Variants in OPN4 observed in about 807,000 individuals in gnomAD.
OPN4 encodes melanopsin.
OPN4 carries 43 observed loss-of-function variants against 49.5 expected under a neutral mutation model. The observed-to-expected ratio is 0.87, with a 90% CI of 0.68 to 1.12. The LOEUF (loss-of-function observed/expected upper bound fraction) is 1.12. OPN4 is among the 50% of genes most tolerant of loss of function. OPN4 has a pLI of 0.00. For synonymous variants in OPN4, 263 were observed against 258.0 expected, an observed-to-expected ratio of 1.02 and a Z score of -0.19; for missense variants, 657 against 643.9, an observed-to-expected ratio of 1.02 and a Z score of -0.22.
chr10:86,663,583 G>C, intron 8 of OPN4, 76 bp from the exon 9 acceptor site: 1 of 1,337,846 alleles, frequency 7.5e-7, no homozygotes, highest in South Asian at 1.8e-5. Flanking sequence ...ATGAAGGAGG[G>C]CCTGGTGGGG....
At position 86,658,695 on chromosome 10, in the gene OPN4, G is replaced by C. The variant is rs370642719; in HGVS notation, c.628+8G>C. 1 of 1,610,204 alleles carries C rather than the reference G, an allele frequency of 6.2e-7. No homozygotes were observed. Among genetic ancestry groups the C allele is most frequent in the Non-Finnish European group, 8.5e-7 (1 of 1,179,912 alleles). Reference sequence around the variant, plus strand: ...CACCCTTCTTCGGCTGGAGTAAGTGGGCTGCTGGAACTGGAAGGGGGGCAG... The same window carrying C: ...CACCCTTCTTCGGCTGGAGTAAGTGCGCTGCTGGAACTGGAAGGGGGGCAG... On this transcript the variant is annotated splice_region_variant and intron_variant, in intron 4 of 9. Transcript: ENST00000241891.
Position 86,658,111 on chromosome 10 carries a change from GC to G in OPN4, c.374del (p.Pro125LeufsTer34). 2.5e-6 allele frequency: 4 copies of G among 1,613,454 alleles called. No homozygotes were observed. Among genetic ancestry groups the G allele is most frequent in the Non-Finnish European group, 3.4e-6 (4 of 1,179,570 alleles). ...CGACTTCCTCATGTCCTTCACCCAG[GC>G]CCCTGTCTTCTTCACCAGTAGCCTC... Reference protein sequence around the residue: ...VSDFLMSFTQAPVFFTSSLYK... With the variant: ...VSDFLMSFTQXPVFFTSSLYK... On this transcript the variant is annotated frameshift_variant, in exon 3 of 10. Coordinates refer to ENST00000241891, the MANE Select transcript of OPN4 (RefSeq NM_033282.4). LOFTEE classifies it high-confidence loss of function.
chr10:86,654,867 G>A lies in OPN4; in HGVS notation c.84G>A (p.Trp28Ter). The A allele has an allele frequency of 6.2e-7, 1 of 1,613,988 alleles. No homozygotes were observed. Among genetic ancestry groups the A allele is most frequent in the East Asian group, 2.2e-5 (1 of 44,876 alleles). The part of the protein sequence containing the change: ...SCMATPAPPS[W>*]WDSSQSSISS... ...TGGCCACCCCAGCACCACCCAGCTG[G>A]TGGGACAGCTCCCAGAGCAGCATCT... Residue 28 changes from tryptophan to a stop codon, truncating the protein, a stop_gained, in exon 1 of 10, where the codon TGG becomes TGA. Coordinates refer to ENST00000241891, the MANE Select transcript of OPN4 (RefSeq NM_033282.4). LOFTEE classifies it high-confidence loss of function.
In OPN4 at chr10:86,660,580, C is replaced by T. The variant is rs576849263; in HGVS notation, c.965+521C>T. On this transcript the variant is annotated intron_variant, in intron 6 of 9. Transcript: ENST00000241891. ...TCTTGTGGAGGAATGGCCTGGTCCC[C>T]CCAGGGCCCTACTGTGGGGTTTCTC... 5.9e-5 allele frequency among the ~76,000 whole-genome samples: 9 copies of T among 152,294 alleles called. No homozygotes were observed. The South Asian group carries it at 1.9e-3, about 32-fold the overall frequency.
rs778563689 is a variant in OPN4 at position 86,662,309 on chromosome 10, G to T, written c.1131G>T (p.Arg377=). ...CLGVLLGVSR[R]HSRPYPSYRS... Reference sequence around the variant, plus strand: ...GGGTGCTGCTGGGTGTATCACGCCGGCACAGTCGCCCCTACCCCAGCTACC... The same window carrying T: ...GGGTGCTGCTGGGTGTATCACGCCGTCACAGTCGCCCCTACCCCAGCTACC... The change falls in exon 8 of 10, where the codon CGG becomes CGT. Residue 377 remains arginine, a synonymous_variant. Coordinates refer to ENST00000241891, the MANE Select transcript of OPN4 (RefSeq NM_033282.4). 5.0e-6 allele frequency: 8 copies of T among 1,607,136 alleles called. No homozygotes were observed. Among genetic ancestry groups the T allele is most frequent in the Non-Finnish European group, 5.1e-6 (6 of 1,178,312 alleles).
At chr10:86,657,934 G>A in intron 2 of OPN4, 98 bp from the exon 3 acceptor site, 1 of 1,270,548 alleles carries the variant, frequency 7.9e-7, no homozygotes, top group East Asian at 2.3e-5. Flanking sequence ...GTAAGTGTGT[G>A]GCACGTGTGT....
chr10:86,659,451 C>T lies in OPN4; in HGVS notation c.783C>T (p.Ala261=), dbSNP rs757963529. Residue 261 remains alanine, a synonymous_variant, in exon 5 of 10, where the codon GCC becomes GCT. Transcript: ENST00000241891. ...ACTGCTACATCTTCATCTTCAGGGC[C>T]ATCCGGGAGACAGGACGGTAAGAGC... ...IIYCYIFIFR[A]IRETGRALQT... 9 of 1,614,014 alleles carry T rather than the reference C, an allele frequency of 5.6e-6. No individual in the cohort carries two copies. The highest frequency in any genetic ancestry group is 6.8e-6 in the Non-Finnish European group (8 of 1,180,008).
At chr10:86,655,078 G>C (rs1395670188) in intron 1 of OPN4, 151 bp downstream of exon 1, 6 of 753,490 alleles carry the variant, frequency 8.0e-6, no homozygotes, top group Non-Finnish European at 1.3e-5. Flanking sequence ...CTCTGAGCCC[G>C]CCCCTGATAA....
chr10:86,658,725 G>T, intron 4 of OPN4, 38 bp downstream of exon 4: 1 of 1,598,600 alleles, frequency 6.3e-7, no homozygotes, highest in South Asian at 1.1e-5. Flanking sequence ...GGGCAGATGG[G>T]CTGGGAGGGG....
At chr10:86,658,437 C>T (rs1843921554) in intron 3 of OPN4, 47 bp from the exon 4 acceptor site, 2 of 1,593,552 alleles carry the variant, frequency 1.3e-6, no homozygotes, top group African/African-American at 2.7e-5. Context: ...TCTACCCTGT[C>T]CCCAGACCCT....
At chr10:86,662,538 C>A (rs1589591149) in intron 8 of OPN4, 106 bp downstream of exon 8, 1 of 1,124,386 alleles carries the variant, frequency 8.9e-7, no homozygotes, top group African/African-American at 1.6e-5. Flanking sequence ...CTCTGAGACT[C>A]AGGGACACTG....
Position 86,656,253 on chromosome 10 carries a change from A to C in OPN4, c.243A>C (p.Gly81=), listed in dbSNP as rs1325308165. The C allele has an allele frequency of 1.2e-6, 2 of 1,613,006 alleles. No individual in the cohort carries two copies. Among genetic ancestry groups the C allele is most frequent in the Non-Finnish European group, 1.7e-6 (2 of 1,179,496 alleles). Residue 81 remains glycine (G), a synonymous_variant, in exon 2 of 10, where the codon GGA becomes GGC. Coordinates refer to ENST00000241891, the MANE Select transcript of OPN4 (RefSeq NM_033282.4). ...TGGGCACAGTGATCTTGCTGGTGGG[A>C]CTCACGGGGATGCTGGGCAACCTGA... ...YTLGTVILLV[G]LTGMLGNLTV...
intron 8 of OPN4, 144 bp from the exon 9 acceptor site, chr10:86,663,515 G>A: frequency 2.9e-6 from 2 of 684,676 alleles, no homozygotes; most frequent in Non-Finnish European, 4.4e-6. Flanking sequence ...TTTATTTGGT[G>A]ACCGGCAACG....
At position 86,663,651 on chromosome 10, in the gene OPN4, TC is replaced by T; in HGVS notation, c.1255-5del. The stretch of plus-strand genomic sequence containing the variant: ...CTCACCTCACAGTCACTCTCTCACC[TC>T]CCTCAGGGCTGGACACACATGGAGG... On this transcript the variant is annotated splice_region_variant and splice_polypyrimidine_tract_variant and intron_variant, in intron 8 of 9. Transcript: ENST00000241891. 6.7e-7 allele frequency: 1 copy of T among 1,492,558 alleles called. No individual in the cohort carries two copies. The highest frequency in any genetic ancestry group is 8.9e-7 in the Non-Finnish European group (1 of 1,117,710). The allele number at this position is 1,492,558 out of a possible 1,614,324, so 92.5% of individuals were successfully genotyped here.
At chr10:86,659,233 C>T (rs1843941938) in intron 4 of OPN4, 64 bp from the exon 5 acceptor site, 1 of 1,350,070 alleles carries the variant, frequency 7.4e-7, no homozygotes, top group Non-Finnish European at 1.0e-6. Flanking sequence ...ATACAAAGCT[C>T]CTGCCAGATA....
chr10:86,662,108 A>G (rs1057056351), intron 7 of OPN4, 144 bp from the exon 8 acceptor site: 61 of 650,164 alleles, frequency 9.4e-5, no homozygotes, highest in African/African-American at 9.3e-4. Flanking sequence ...ATCACCTGCC[A>G]TGGTTCCCAG....
In OPN4 at chr10:86,656,188, C is replaced by A. The variant is rs1325704519; in HGVS notation, c.178C>A (p.Leu60Ile). ...PGTWAAAWVP[L>I]PTVDVPDHAH... ...GACTTGGGCTGCTGCCTGGGTCCCCCTCCCCACGGTTGATGTTCCAGACCA... is the reference window on the plus strand; with the variant it reads ...GACTTGGGCTGCTGCCTGGGTCCCCATCCCCACGGTTGATGTTCCAGACCA... The change falls in exon 2 of 10, where the codon CTC becomes ATC. Residue 60 changes from leucine to isoleucine, a missense_variant. Transcript: ENST00000241891. 12 of 1,614,070 alleles carry A rather than the reference C, an allele frequency of 7.4e-6. No individual in the cohort carries two copies. Among genetic ancestry groups the A allele is most frequent in the African/African-American group, 2.7e-5 (2 of 74,922 alleles).
At chr10:86,665,285 C>G (rs899421676) in intron 9 of OPN4, among the ~76,000 whole-genome samples, 1 of 152,052 alleles carries the variant, frequency 6.6e-6, no homozygotes, top group Admixed American at 6.6e-5. Flanking sequence ...CAGACCTGAC[C>G]TGGGGACAGG....
Position 86,663,769 on chromosome 10 carries a change from A to G in OPN4, c.1365A>G (p.Arg455=), listed in dbSNP as rs749673215. 1.9e-6 allele frequency: 3 copies of G among 1,557,340 alleles called. No homozygotes were observed. Among genetic ancestry groups the G allele is most frequent in the Non-Finnish European group, 2.6e-6 (3 of 1,151,106 alleles). Residue 455 remains arginine, a synonymous_variant, in exon 9 of 10, where the codon AGA becomes AGG. Transcript: ENST00000241891. ...ACTTGGAAGCCAAGGCACCCCCCAG[A>G]CCCCAGGGACACGAAGCAGAGACTC... ...LEDLEAKAPP[R]PQGHEAETPG... is the part of the protein sequence containing the mutation.
Sources: allele counts gnomAD v4.1 joint callset (sites outside exome capture counted in the v4.1 genomes callset), GRCh38; gene constraint gnomAD v4.1.1; transcripts MANE v1.5; gene names NCBI Gene and HGNC (gene_info 2026-07-23, HGNC 2026-07-21).